TNPO3: variants seen among roughly 807,000 people sequenced by gnomAD.
TNPO3 encodes the protein transportin 3, also known as transportin-3.
In TNPO3, 65 loss-of-function variants were observed where a neutral mutation model predicts 122.8. The ratio of observed to expected loss-of-function variants is 0.53; its 90% CI spans 0.43 to 0.65. The LOEUF is 0.65. Ranked by LOEUF, TNPO3 falls within the 30% of genes least tolerant of loss-of-function variation. The pLI is 0.00. For missense variants in TNPO3, 850 were observed against 1,136.7 expected, an observed-to-expected ratio of 0.75 and a Z score of 3.63; for synonymous variants, 372 against 411.2, an observed-to-expected ratio of 0.90 and a Z score of 1.15.
Position 129,018,086 on chromosome 7 carries a change from T to G in TNPO3, c.192A>C (p.Ala64=). 1.2e-6 allele frequency: 2 copies of G among 1,614,174 alleles called. No homozygotes were observed. Among genetic ancestry groups the G allele is most frequent in the Non-Finnish European group, 1.7e-6 (2 of 1,180,034 alleles). ...TCTGAATCTTCATTTTCATGGTCTG[T>G]GCAGCAAAATAGCATGACTCCACAT... ...RQDVESCYFA[A]QTMKMKIQTS... is the part of the protein sequence containing the mutation. The change falls in exon 2 of 23, where the codon GCA becomes GCC. Residue 64 remains alanine, a synonymous_variant. Transcript: ENST00000265388.
At chr7:128,990,228 C>A (rs931396661) in intron 10 of TNPO3, 128 bp from the exon 11 acceptor site, 2 of 1,004,812 alleles carry the variant, frequency 2.0e-6, no homozygotes, top group African/African-American at 3.2e-5. Flanking sequence ...GATAAAAGTA[C>A]TTGGTATTTG....
intron 1 of TNPO3, among the ~76,000 whole-genome samples, chr7:129,034,997 G>A (rs540101843): frequency 3.3e-4 from 49 of 150,334 alleles, no homozygotes; most frequent in African/African-American, 1.1e-3. Flanking sequence ...CATATCGGCC[G>A]GGCGCGGTGG....
intron 16 of TNPO3, among the ~76,000 whole-genome samples, chr7:128,978,780 C>T (rs1278613234): frequency 1.3e-5 from 2 of 152,006 alleles, no homozygotes; most frequent in East Asian, 1.9e-4. Flanking sequence ...TATAGGTGCC[C>T]GCCACCATGC....
At chr7:129,003,969 T>C (rs574689297) in intron 5 of TNPO3, among the ~76,000 whole-genome samples, 2 of 152,332 alleles carry the variant, frequency 1.3e-5, no homozygotes, top group South Asian at 4.1e-4. Context: ...CATGACTTTA[T>C]TTACAGTGAT....
intron 4 of TNPO3, among the ~76,000 whole-genome samples, chr7:129,007,253 C>T (rs1043415935): frequency 2.0e-5 from 3 of 152,064 alleles, no homozygotes; most frequent in South Asian, 2.1e-4. Context: ...AACAGCATAG[C>T]CAGGACTTAA....
chr7:129,039,884 CAG>C (rs1389536228), intron 1 of TNPO3, among the ~76,000 whole-genome samples: 1 of 152,266 alleles, frequency 6.6e-6, no homozygotes, highest in East Asian at 1.9e-4. Context: ...ACTCTACAGA[CAG>C]AAAGTAGATT....
chr7:128,996,388 C>CA (rs1304063729), intron 8 of TNPO3, among the ~76,000 whole-genome samples: 2 of 152,008 alleles, frequency 1.3e-5, no homozygotes, highest in Non-Finnish European at 2.9e-5. Context: ...AAATCATACA[C>CA]ACAAATATTT....
chr7:128,984,052 G>C (rs1799902120), intron 13 of TNPO3, 116 bp downstream of exon 13: 1 of 547,098 alleles, frequency 1.8e-6, no homozygotes, highest in African/African-American at 1.9e-5. Context: ...AATTCTTAGT[G>C]CATTTTCTTG....
In TNPO3 at chr7:128,979,062, C is replaced by T. The variant is rs1305697364; in HGVS notation, c.1982G>A (p.Arg661His). The change falls in exon 16 of 23, where the codon CGT becomes CAT. Residue 661 changes from arginine to histidine, a missense_variant. Arg to His is a conservative substitution (Grantham distance 29). Coordinates refer to ENST00000265388, the MANE Select transcript of TNPO3 (RefSeq NM_012470.4). ...KHRADNRIVE[R>H]CCRCLRFAVR... The stretch of plus-strand genomic sequence containing the variant: ...AGCAAAGCGCAGGCACCTGCAACAA[C>T]GCTCTACAATCCGATTATCAGCTCG... The T allele has an allele frequency of 3.1e-6, 5 of 1,614,130 alleles. No individual in the cohort carries two copies. The highest frequency in any genetic ancestry group is 4.2e-6 in the Non-Finnish European group (5 of 1,180,052).
intron 6 of TNPO3, 98 bp downstream of exon 6, chr7:129,000,961 C>T: frequency 7.2e-7 from 1 of 1,389,298 alleles, no homozygotes; most frequent in Non-Finnish European, 1.0e-6. Context: ...TACAGAATCA[C>T]TGAGAATCAC....
intron 3 of TNPO3, 49 bp downstream of exon 3, chr7:129,016,934 G>A (rs1433748070): frequency 1.9e-6 from 3 of 1,548,234 alleles, no homozygotes; most frequent in African/African-American, 2.7e-5. Context: ...CTCTGTGTAG[G>A]TTAATGGCAA....
At chr7:129,035,922 G>A (rs1208152955) in intron 1 of TNPO3, among the ~76,000 whole-genome samples, 1 of 151,256 alleles carries the variant, frequency 6.6e-6, no homozygotes, top group Non-Finnish European at 1.5e-5. Flanking sequence ...GGATTTGTGT[G>A]GGGTATGTGT....
At chr7:129,004,100 G>T (rs148749272) in intron 5 of TNPO3, among the ~76,000 whole-genome samples, 4 of 152,242 alleles carry the variant, frequency 2.6e-5, no homozygotes, top group Non-Finnish European at 4.4e-5. Context: ...ATTTTCCTAA[G>T]GCTTAGCTTC....
intron 1 of TNPO3, among the ~76,000 whole-genome samples, chr7:129,050,344 A>G (rs1808580979): frequency 7.2e-6 from 1 of 138,396 alleles, no homozygotes; most frequent in Non-Finnish European, 1.5e-5. Context: ...AGATGGCGCC[A>G]CTGCACTCCA....
chr7:128,970,925 G>C (rs1010552250), intron 19 of TNPO3: 2 of 151,964 alleles, frequency 1.3e-5, no homozygotes, highest in African/African-American at 4.8e-5. Flanking sequence ...GGGGTGAACA[G>C]CCCAAGTCAG....
intron 19 of TNPO3, 116 bp from the exon 20 acceptor site, chr7:128,970,431 C>T (rs959034032): frequency 9.4e-5 from 85 of 903,734 alleles, no homozygotes; most frequent in East Asian, 6.4e-4. Context: ...TGTGTGTGCA[C>T]GCGTGGCTGT....
chr7:129,033,157 TA>T (rs1221524683), intron 1 of TNPO3, among the ~76,000 whole-genome samples: 1 of 152,156 alleles, frequency 6.6e-6, no homozygotes, highest in Non-Finnish European at 1.5e-5. Flanking sequence ...ATATGAAAGT[TA>T]ACTCAAAAAG....
At chr7:129,003,178 G>C (rs534088000) in intron 5 of TNPO3, among the ~76,000 whole-genome samples, 1 of 150,896 alleles carries the variant, frequency 6.6e-6, no homozygotes, top group African/African-American at 2.4e-5. Context: ...AGCCGAGATT[G>C]TGCCACTGCA....
intron 1 of TNPO3, among the ~76,000 whole-genome samples, chr7:129,040,613 T>C (rs1807264443): frequency 6.6e-6 from 1 of 152,168 alleles, no homozygotes; most frequent in East Asian, 1.9e-4. Context: ...AAAAAAATTA[T>C]TTTTCTGCAA....
Sources: allele counts gnomAD v4.1 joint callset (sites outside exome capture counted in the v4.1 genomes callset), GRCh38; gene constraint gnomAD v4.1.1; transcripts MANE v1.5; gene names NCBI Gene and HGNC (gene_info 2026-07-23, HGNC 2026-07-21).